The following AGBL4 variants were observed in gnomAD, a reference collection of about 807,000 sequenced individuals.
The protein encoded by AGBL4 is cytosolic carboxypeptidase 6.
A neutral mutation model predicts 66.4 loss-of-function variants in AGBL4; 58 were observed. The observed-to-expected ratio is 0.87, with a 90% confidence interval of 0.71 to 1.09. The LOEUF is 1.09. Among genes scored for constraint, AGBL4 ranks in the 50% least tolerant of loss-of-function variants. AGBL4 has a pLI of 0.00. For missense variants in AGBL4, 579 were observed against 631.0 expected, an observed-to-expected ratio of 0.92 and a Z score of 0.88; for synonymous variants, 234 against 222.9, an observed-to-expected ratio of 1.05 and a Z score of -0.44.
At chr1:48,555,449 C>T (rs936712899) in intron 11 of AGBL4, among the ~76,000 whole-genome samples, 42 of 152,262 alleles carry the variant, frequency 2.8e-4, no homozygotes, top group African/African-American at 9.1e-4. Context: ...TGAATAAAGG[C>T]AGAGGCATGT....
intron 6 of AGBL4, among the ~76,000 whole-genome samples, chr1:48,740,781 C>A (rs1649796530): frequency 6.6e-6 from 1 of 152,136 alleles, no homozygotes; most frequent in Admixed American, 6.5e-5. Flanking sequence ...GACAGCAGAG[C>A]CAAGAACAAT....
intron 3 of AGBL4, among the ~76,000 whole-genome samples, chr1:49,377,273 T>C (rs551803363): frequency 6.6e-6 from 1 of 152,260 alleles, no homozygotes; most frequent in South Asian, 2.1e-4. Flanking sequence ...ATGTACTATG[T>C]GCCTTCTATG....
rs185361762 is a variant in AGBL4 at position 49,928,228 on chromosome 1, T to A, written c.35-76710A>T. Among the ~76,000 whole-genome samples, 7 of 151,958 alleles carry A rather than the reference T, an allele frequency of 4.6e-5. No individual in the cohort carries two copies. The East Asian group carries it at 1.4e-3, about 29-fold the overall frequency. On this transcript the variant is annotated intron_variant, in intron 1 of 13. Coordinates refer to ENST00000371839, the MANE Select transcript of AGBL4 (RefSeq NM_032785.4). The stretch of plus-strand genomic sequence containing the variant: ...CAACTTCAAGCTTGTGCTATTGGAG[T>A]ACCTTTTTTATTTTTTATTTTTATT...
At chr1:49,554,989 A>T (rs1653302362) in intron 3 of AGBL4, among the ~76,000 whole-genome samples, 1 of 152,212 alleles carries the variant, frequency 6.6e-6, no homozygotes. Context: ...CCAAAGAGTG[A>T]GCAGCAGAAA....
chr1:49,005,996 G>C (rs774352454), intron 5 of AGBL4, among the ~76,000 whole-genome samples: 9 of 151,366 alleles, frequency 5.9e-5, no homozygotes, highest in South Asian at 4.2e-4. Flanking sequence ...GTGAGACTCC[G>C]TCTCAAAAAA....
intron 2 of AGBL4, among the ~76,000 whole-genome samples, chr1:49,704,583 T>C (rs532956410): frequency 6.6e-6 from 1 of 152,312 alleles, no homozygotes; most frequent in East Asian, 1.9e-4. Context: ...AAATTTTTAA[T>C]ACATCTTGAG....
intron 5 of AGBL4, among the ~76,000 whole-genome samples, chr1:48,883,435 A>C (rs1213735622): frequency 6.6e-6 from 1 of 152,134 alleles, no homozygotes; most frequent in Non-Finnish European, 1.5e-5. Context: ...GTGACACAAG[A>C]TTACTCATTT....
chr1:49,772,523 T>G (rs1644092143), intron 2 of AGBL4, among the ~76,000 whole-genome samples: 1 of 152,202 alleles, frequency 6.6e-6, no homozygotes, highest in African/African-American at 2.4e-5. Flanking sequence ...GTAGCCCTAC[T>G]TTAAGTATTT....
intron 6 of AGBL4, among the ~76,000 whole-genome samples, chr1:48,678,394 A>G (rs1442027081): frequency 2.6e-5 from 4 of 152,172 alleles, no homozygotes; most frequent in Non-Finnish European, 4.4e-5. Context: ...GAGGGGGAGA[A>G]CAACACCTGT....
At chr1:49,968,914 G>A (rs1446428306) in intron 1 of AGBL4, among the ~76,000 whole-genome samples, 2 of 152,178 alleles carry the variant, frequency 1.3e-5, no homozygotes, top group Non-Finnish European at 2.9e-5. Flanking sequence ...TTACATTAGA[G>A]AGAAATAAAT....
chr1:48,755,238 C>T (rs150893345), intron 6 of AGBL4, among the ~76,000 whole-genome samples: 21 of 152,288 alleles, frequency 1.4e-4, no homozygotes, highest in African/African-American at 4.6e-4. Context: ...TCTGAGTCCC[C>T]ATCAGTCTGA....
Position 49,043,807 on chromosome 1 carries a change from C to T in AGBL4, c.594+1777G>A, listed in dbSNP as rs1351405071. Among the ~76,000 whole-genome samples the T allele has an allele frequency of 2.0e-5, 3 of 152,140 alleles. No homozygotes were observed. The East Asian group carries it at 5.8e-4, about 29-fold the overall frequency. ...ATCTCAGACTACAAGAATAACATGA[C>T]CAGATTTGTCTCTCAGTACCTGAGT... is the stretch of plus-strand genomic sequence containing the variant. On this transcript the variant is annotated intron_variant, in intron 5 of 13. Transcript: ENST00000371839.
chr1:49,742,390 C>G (rs920047644), intron 2 of AGBL4, among the ~76,000 whole-genome samples: 25 of 152,006 alleles, frequency 1.6e-4, no homozygotes, highest in Middle Eastern at 3.4e-3. Flanking sequence ...CACTGCTCAA[C>G]GAAATAAAAG....
intron 9 of AGBL4, among the ~76,000 whole-genome samples, chr1:48,604,603 T>C (rs916152555): frequency 1.3e-5 from 2 of 151,960 alleles, no homozygotes; most frequent in East Asian, 3.9e-4. Context: ...GGATACAGAA[T>C]CAAAGGTTTT....
intron 4 of AGBL4, among the ~76,000 whole-genome samples, chr1:49,133,285 G>T (rs1366728066): frequency 6.6e-6 from 1 of 152,084 alleles, no homozygotes; most frequent in Non-Finnish European, 1.5e-5. Flanking sequence ...AATACCTAAT[G>T]CATGGCTTAA....
intron 8 of AGBL4, chr1:48,647,513 T>C (rs1645856277): frequency 5.6e-6 from 2 of 357,314 alleles, no homozygotes; most frequent in South Asian, 4.1e-5. Flanking sequence ...TAGATTTTTA[T>C]GCCCAGAAAC....
At chr1:49,391,249 A>G (rs1644839447) in intron 3 of AGBL4, among the ~76,000 whole-genome samples, 1 of 152,170 alleles carries the variant, frequency 6.6e-6, no homozygotes, top group African/African-American at 2.4e-5. Context: ...CAGGATAAGA[A>G]TCTAGACTTT....
At chr1:49,652,693 C>G (rs756304580) in intron 3 of AGBL4, among the ~76,000 whole-genome samples, 1 of 152,164 alleles carries the variant, frequency 6.6e-6, no homozygotes, top group Non-Finnish European at 1.5e-5. Context: ...CAATTCCCCA[C>G]AGCGCAGCAC....
At chr1:49,870,615 AG>A (rs1236371378) in intron 1 of AGBL4, among the ~76,000 whole-genome samples, 1 of 151,786 alleles carries the variant, frequency 6.6e-6, no homozygotes, top group East Asian at 1.9e-4. Flanking sequence ...TTTGAATAAT[AG>A]AAAGAAGAAC....
Sources: allele counts gnomAD v4.1 joint callset (sites outside exome capture counted in the v4.1 genomes callset), GRCh38; gene constraint gnomAD v4.1.1; transcripts MANE v1.5; gene names NCBI Gene and HGNC (gene_info 2026-07-23, HGNC 2026-07-21).